PLPPR5: variants seen among roughly 807,000 people sequenced by gnomAD.
PLPPR5 encodes the protein phospholipid phosphatase-related protein type 5.
PLPPR5 carries 16 observed loss-of-function variants against 33.9 expected under a neutral mutation model. The ratio of observed to expected loss-of-function variants is 0.47; its 90% CI spans 0.32 to 0.72. PLPPR5 has a LOEUF of 0.72. Among genes scored for constraint, PLPPR5 ranks in the 30% least tolerant of loss-of-function variants. The pLI is 0.03. For missense variants in PLPPR5, 301 were observed against 406.7 expected, an observed-to-expected ratio of 0.74 and a Z score of 2.23; for synonymous variants, 163 against 150.3, an observed-to-expected ratio of 1.08 and a Z score of -0.62.
At chr1:98,939,099 C>A (rs767985858) in intron 3 of PLPPR5, among the ~76,000 whole-genome samples, 3 of 151,510 alleles carry the variant, frequency 2.0e-5, no homozygotes, top group Non-Finnish European at 4.4e-5. Context: ...TATAGTAAAC[C>A]TGCACATGAA....
At chr1:98,956,886 C>T in intron 1 of PLPPR5, 145 bp from the exon 2 acceptor site, 1 of 629,784 alleles carries the variant, frequency 1.6e-6, no homozygotes, top group East Asian at 3.2e-5. Context: ...TTCCTAGATC[C>T]TTTGATTATA....
chr1:98,979,652 T>A (rs1211382068), intron 1 of PLPPR5, among the ~76,000 whole-genome samples: 1 of 152,026 alleles, frequency 6.6e-6, no homozygotes, highest in Non-Finnish European at 1.5e-5. Flanking sequence ...AGGTTGCAGA[T>A]TTCTGCCTCC....
chr1:98,896,675 T>C (rs1421141664), intron 5 of PLPPR5, among the ~76,000 whole-genome samples: 1 of 151,976 alleles, frequency 6.6e-6, no homozygotes, highest in Admixed American at 6.6e-5. Context: ...AGTGCAGGGG[T>C]CACAAGAGAA....
chr1:98,954,910 GA>G (rs998649528), intron 2 of PLPPR5, among the ~76,000 whole-genome samples: 1 of 152,006 alleles, frequency 6.6e-6, no homozygotes, highest in Non-Finnish European at 1.5e-5. Context: ...TTATAACAGA[GA>G]GAAATATTTG....
At chr1:98,898,406 A>C (rs1268522250) in intron 5 of PLPPR5, among the ~76,000 whole-genome samples, 1 of 152,110 alleles carries the variant, frequency 6.6e-6, no homozygotes, top group Non-Finnish European at 1.5e-5. Flanking sequence ...GTCCCTGTTT[A>C]TTTTGCGATT....
intron 1 of PLPPR5, among the ~76,000 whole-genome samples, chr1:98,979,614 A>G (rs929660000): frequency 5.9e-5 from 9 of 151,590 alleles, no homozygotes; most frequent in African/African-American, 2.2e-4. Flanking sequence ...TGTTGCTCAG[A>G]CTCTCCTTAG....
At chr1:98,986,388 C>T (rs1454292123) in intron 1 of PLPPR5, among the ~76,000 whole-genome samples, 1 of 151,652 alleles carries the variant, frequency 6.6e-6, no homozygotes, top group Admixed American at 6.6e-5. Context: ...TTGCTTAATT[C>T]CCAGGTTTTC....
intron 5 of PLPPR5, among the ~76,000 whole-genome samples, chr1:98,900,042 G>A (rs1341081282): frequency 6.6e-6 from 1 of 152,024 alleles, no homozygotes; most frequent in African/African-American, 2.4e-5. Context: ...AATCATGTTT[G>A]AAATGTAAAA....
chr1:98,923,940 T>C (rs879740465), intron 3 of PLPPR5, among the ~76,000 whole-genome samples: 27 of 152,226 alleles, frequency 1.8e-4, no homozygotes, highest in Middle Eastern at 3.2e-3. Context: ...GTATGACGAG[T>C]GCGTATGAAT....
At position 99,003,255 on chromosome 1, in the gene PLPPR5, T is replaced by C. The variant is rs867301990; in HGVS notation, c.237+1180A>G. The stretch of plus-strand genomic sequence containing the variant: ...TTTCTATCTTATGTGTTAGGAACTT[T>C]TCATTATTTTACAAATTAGTAAGTC... On this transcript the variant is annotated intron_variant, in intron 1 of 5. Transcript: ENST00000263177. Among the ~76,000 whole-genome samples the C allele has an allele frequency of 2.0e-5, 3 of 151,578 alleles. No individual in the cohort carries two copies. In the East Asian group the frequency reaches 5.8e-4, roughly 29 times the overall value.
At chr1:98,934,006 G>T (rs1256575182) in intron 3 of PLPPR5, among the ~76,000 whole-genome samples, 1 of 152,208 alleles carries the variant, frequency 6.6e-6, no homozygotes, top group African/African-American at 2.4e-5. Context: ...GTTTCTGGCA[G>T]GTGGTGCAGC....
Position 98,955,152 on chromosome 1 carries a change from G to A in PLPPR5, c.370+1457C>T, listed in dbSNP as rs149103235. Among the ~76,000 whole-genome samples the A allele has an allele frequency of 1.9e-3, 285 of 152,104 alleles. 1 individual carries two copies. Among genetic ancestry groups the A allele is most frequent in the African/African-American group, 5.6e-3 (233 of 41,522 alleles). On this transcript the variant is annotated intron_variant, in intron 2 of 5. Transcript: ENST00000263177. ...ATGTACTATTATACAGTGATGCTTC[G>A]CTTACATGCTTCCACTTATTACAGC...
At position 99,004,687 on chromosome 1, in the gene PLPPR5, C is replaced by T. The variant is rs557959847; in HGVS notation, c.-16G>A. 2.0e-5 allele frequency: 31 copies of T among 1,540,394 alleles called. No homozygotes were observed. In the East Asian group the frequency reaches 7.4e-4, roughly 37 times the overall value. ...GCAGGGGCATGCACGCCTCCCGGGC[C>T]GGGCCGAGCCGAGCCGAGCGGGCGG... On this transcript the variant is annotated 5_prime_UTR_variant, in exon 1 of 6. Transcript: ENST00000263177.
At chr1:98,922,458 T>C (rs959547347) in intron 3 of PLPPR5, among the ~76,000 whole-genome samples, 1 of 152,160 alleles carries the variant, frequency 6.6e-6, no homozygotes, top group Non-Finnish European at 1.5e-5. Flanking sequence ...TGTTTAAGTG[T>C]TTTTAATGTT....
intron 3 of PLPPR5, 147 bp downstream of exon 3, chr1:98,952,923 G>T: frequency 1.1e-6 from 1 of 932,550 alleles, no homozygotes; most frequent in Non-Finnish European, 1.6e-6. Context: ...AGTACAAACA[G>T]CTATTATTAA....
At chr1:98,896,020 G>T (rs375877387) in intron 5 of PLPPR5, among the ~76,000 whole-genome samples, 25 of 146,156 alleles carry the variant, frequency 1.7e-4, no homozygotes, top group African/African-American at 5.0e-4. Context: ...TATCTCAGTA[G>T]TTTTTTTTTT....
At chr1:98,935,088 G>T (rs966670578) in intron 3 of PLPPR5, among the ~76,000 whole-genome samples, 11 of 152,118 alleles carry the variant, frequency 7.2e-5, no homozygotes, top group Non-Finnish European at 4.4e-5. Flanking sequence ...GCATGTTATA[G>T]GACTGGGTAT....
intron 5 of PLPPR5, among the ~76,000 whole-genome samples, chr1:98,899,699 C>A (rs1325320871): frequency 6.9e-6 from 1 of 145,930 alleles, no homozygotes; most frequent in African/African-American, 2.6e-5. Context: ...TGCTCTGTCG[C>A]CCAGGCTGTA....
intron 1 of PLPPR5, among the ~76,000 whole-genome samples, chr1:98,984,196 A>T (rs1652167666): frequency 6.6e-6 from 1 of 152,042 alleles, no homozygotes; most frequent in Non-Finnish European, 1.5e-5. Context: ...TAAGCTGGAC[A>T]TGGAACAGGG....
Sources: allele counts gnomAD v4.1 joint callset (sites outside exome capture counted in the v4.1 genomes callset), GRCh38; gene constraint gnomAD v4.1.1; transcripts MANE v1.5; gene names NCBI Gene and HGNC (gene_info 2026-07-23, HGNC 2026-07-21).